CCSER1: variants seen among roughly 807,000 people sequenced by gnomAD.
The protein encoded by CCSER1 is serine-rich coiled-coil domain-containing protein 1.
Under a neutral mutation model 82.0 loss-of-function variants are expected in CCSER1, and 41 were observed. The ratio of observed to expected loss-of-function variants is 0.50; its 90% confidence interval spans 0.39 to 0.65. CCSER1 has a LOEUF of 0.65. Among genes scored for constraint, CCSER1 ranks in the 30% least tolerant of loss-of-function variants. The pLI, the probability that CCSER1 is intolerant of heterozygous loss-of-function variation, is 0.00. For missense variants in CCSER1, 1,119 were observed against 1,064.2 expected, an observed-to-expected ratio of 1.05 and a Z score of -0.72; for synonymous variants, 414 against 383.9, an observed-to-expected ratio of 1.08 and a Z score of -0.92.
At chr4:91,132,284 G>A (rs1187328294) in intron 10 of CCSER1, among the ~76,000 whole-genome samples, 1 of 152,022 alleles carries the variant, frequency 6.6e-6, no homozygotes, top group Admixed American at 6.6e-5. Flanking sequence ...AATTAATTTA[G>A]GAAAGCAATA....
At chr4:91,179,527 C>A (rs1220970907) in intron 10 of CCSER1, among the ~76,000 whole-genome samples, 2 of 152,156 alleles carry the variant, frequency 1.3e-5, no homozygotes, top group Non-Finnish European at 2.9e-5. Context: ...CTCTAAACTT[C>A]TCCTCTCGCT....
intron 3 of CCSER1, among the ~76,000 whole-genome samples, chr4:90,387,682 T>G (rs1309494914): frequency 1.3e-5 from 2 of 152,206 alleles, no homozygotes; most frequent in Non-Finnish European, 2.9e-5. Context: ...TGAGAAACTC[T>G]GGACATTATA....
At chr4:90,947,674 C>T (rs1045668611) in intron 9 of CCSER1, among the ~76,000 whole-genome samples, 1 of 152,118 alleles carries the variant, frequency 6.6e-6, no homozygotes, top group Admixed American at 6.6e-5. Context: ...AATTAATTCA[C>T]AATGACAGTG....
intron 5 of CCSER1, among the ~76,000 whole-genome samples, chr4:90,607,289 G>A (rs973975150): frequency 2.0e-5 from 3 of 152,112 alleles, no homozygotes; most frequent in Non-Finnish European, 2.9e-5. Flanking sequence ...AATCTTATGT[G>A]TTAAAATGTT....
intron 1 of CCSER1, among the ~76,000 whole-genome samples, chr4:90,292,315 A>G (rs1185571586): frequency 6.6e-6 from 1 of 151,924 alleles, no homozygotes; most frequent in Non-Finnish European, 1.5e-5. Context: ...ATGAGTATAT[A>G]TGTGTGTATG....
chr4:91,501,555 A>G (rs1374060244), intron 10 of CCSER1, among the ~76,000 whole-genome samples: 1 of 151,964 alleles, frequency 6.6e-6, no homozygotes, highest in Non-Finnish European at 1.5e-5. Context: ...ATTTATTTGT[A>G]TCTTTTCACT....
At chr4:90,467,614 C>T (rs375948855) in intron 4 of CCSER1, among the ~76,000 whole-genome samples, 13 of 151,646 alleles carry the variant, frequency 8.6e-5, no homozygotes, top group Admixed American at 1.3e-4. Context: ...ACTTGGGAGG[C>T]GGAGGTTGCA....
At chr4:90,566,661 G>A (rs1385253559) in intron 5 of CCSER1, among the ~76,000 whole-genome samples, 11 of 150,448 alleles carry the variant, frequency 7.3e-5, no homozygotes, top group Non-Finnish European at 1.6e-4. Context: ...GGAGTGCAGT[G>A]GCGCAATCTC....
At chr4:91,052,311 T>C (rs932009358) in intron 9 of CCSER1, among the ~76,000 whole-genome samples, 4 of 152,104 alleles carry the variant, frequency 2.6e-5, no homozygotes, top group East Asian at 3.8e-4. Flanking sequence ...GATAGAAATT[T>C]TATACTGAAG....
chr4:90,343,172 T>C (rs910280313), intron 3 of CCSER1, among the ~76,000 whole-genome samples: 1 of 152,120 alleles, frequency 6.6e-6, no homozygotes, highest in Non-Finnish European at 1.5e-5. Context: ...TTCTCTTCTA[T>C]TTTTTGGGGG....
chr4:90,439,704 A>G (rs1759572315), intron 4 of CCSER1, among the ~76,000 whole-genome samples: 1 of 152,198 alleles, frequency 6.6e-6, no homozygotes, highest in Non-Finnish European at 1.5e-5. Context: ...ATATAGAAGA[A>G]TCTATCCCTA....
intron 10 of CCSER1, among the ~76,000 whole-genome samples, chr4:91,208,656 T>A (rs568928785): frequency 6.6e-6 from 1 of 151,932 alleles, no homozygotes; most frequent in East Asian, 1.9e-4. Context: ...GTAATGTGAT[T>A]CCTCCAGCTT....
chr4:90,224,971 T>G (rs1578588820), intron 1 of CCSER1, among the ~76,000 whole-genome samples: 1 of 152,278 alleles, frequency 6.6e-6, no homozygotes, highest in Non-Finnish European at 1.5e-5. Flanking sequence ...TGTATACAAC[T>G]TCCCAATCAT....
chr4:90,246,974 T>C (rs1721516917), intron 1 of CCSER1, among the ~76,000 whole-genome samples: 1 of 151,936 alleles, frequency 6.6e-6, no homozygotes, highest in African/African-American at 2.4e-5. Context: ...GGGGCCATTA[T>C]TAAGTAAAAA....
chr4:91,484,811 G>A (rs1758131505), intron 10 of CCSER1, among the ~76,000 whole-genome samples: 3 of 152,020 alleles, frequency 2.0e-5, no homozygotes, highest in Admixed American at 2.0e-4. Flanking sequence ...CTTAGACTGG[G>A]GTCCAGTTAT....
chr4:91,603,499 GA>G lies in CCSER1; in HGVS notation c.*4445del. ...AGAATTTCCTACAAATAGTTAAGGT[GA>G]AATAAAATCATTAATAGAGAGTAGG... On this transcript the variant is annotated 3_prime_UTR_variant, in exon 11 of 11. Coordinates refer to ENST00000509176, the MANE Select transcript of CCSER1 (RefSeq NM_001145065.2). 6.6e-6 allele frequency: 1 copy of G among 152,044 alleles called. No individual in the cohort carries two copies. The highest frequency in any genetic ancestry group is 1.5e-5 in the Non-Finnish European group (1 of 67,986). The allele number at this position is 152,044 out of a possible 1,614,324, so 9.4% of individuals were successfully genotyped here.
chr4:90,488,760 A>G (rs1044885077), intron 5 of CCSER1, among the ~76,000 whole-genome samples: 3 of 152,190 alleles, frequency 2.0e-5, no homozygotes, highest in Non-Finnish European at 4.4e-5. Flanking sequence ...TGTCACTTCA[A>G]TTGTATATAA....
chr4:90,521,292 A>G (rs1373289826), intron 5 of CCSER1, among the ~76,000 whole-genome samples: 1 of 152,226 alleles, frequency 6.6e-6, no homozygotes, highest in Non-Finnish European at 1.5e-5. Flanking sequence ...AAAAGTAAAG[A>G]AGGACAAAAG....
At chr4:91,595,625 T>C (rs1400116807) in intron 10 of CCSER1, among the ~76,000 whole-genome samples, 1 of 152,070 alleles carries the variant, frequency 6.6e-6, no homozygotes, top group Non-Finnish European at 1.5e-5. Flanking sequence ...TTTATGAAGA[T>C]ATGGATATAA....
Sources: allele counts gnomAD v4.1 joint callset (sites outside exome capture counted in the v4.1 genomes callset), GRCh38; gene constraint gnomAD v4.1.1; transcripts MANE v1.5; gene names NCBI Gene and HGNC (gene_info 2026-07-23, HGNC 2026-07-21).